Variants in UNC5C observed in about 807,000 individuals in gnomAD.
The protein encoded by UNC5C is unc-5 netrin receptor C, also known as netrin receptor UNC5C.
In UNC5C, 47 loss-of-function variants were observed where a neutral mutation model predicts 99.8. The observed-to-expected ratio is 0.47, with a 90% CI of 0.37 to 0.60. The LOEUF (loss-of-function observed/expected upper bound fraction) is 0.60, where lower values mean the gene tolerates loss of function less well. UNC5C is among the 20% of genes least tolerant of loss of function. The probability of loss-of-function intolerance (pLI) is 0.00; values close to 1 mark genes in which losing one functional copy is unlikely to be tolerated. For missense variants in UNC5C, 1,062 were observed against 1,165.9 expected (o/e 0.91, Z 1.30); for synonymous variants, 487 against 452.2 (o/e 1.08, Z -0.98).
At chr4:95,425,376 C>G (rs1044273969) in intron 1 of UNC5C, among the ~76,000 whole-genome samples, 2 of 152,256 alleles carry the variant, frequency 1.3e-5, no homozygotes, top group Non-Finnish European at 2.9e-5. Context: ...GGCTGGAGTG[C>G]AGTGGCGCGA....
At chr4:95,254,644 T>G (rs745909284) in intron 4 of UNC5C, among the ~76,000 whole-genome samples, 1 of 152,170 alleles carries the variant, frequency 6.6e-6, no homozygotes, top group East Asian at 1.9e-4. Context: ...AAAATATGCA[T>G]CCTAGTAAGA....
At position 95,165,867 on chromosome 4, in the gene UNC5C, G is replaced by C. The variant is rs1177485370; in HGVS notation, c.*3367C>G. ...GACTGTTTTATATAGATTTTACATA[G>C]TTCTGTTACAAGAAGCAACTGAAGA... is the stretch of plus-strand genomic sequence containing the variant. On this transcript the variant is annotated 3_prime_UTR_variant, in exon 16 of 16. Transcript: ENST00000453304. 1 of 152,110 alleles carries C rather than the reference G, an allele frequency of 6.6e-6. No individual in the cohort carries two copies. The highest frequency in any genetic ancestry group is 1.5e-5 in the Non-Finnish European group (1 of 68,026). The allele number at this position is 152,110 out of a possible 1,614,324, so 9.4% of individuals were successfully genotyped here.
At chr4:95,187,520 T>C (rs1056620810) in intron 12 of UNC5C, among the ~76,000 whole-genome samples, 1 of 152,174 alleles carries the variant, frequency 6.6e-6, no homozygotes, top group Admixed American at 6.5e-5. Flanking sequence ...AGGCAGGACA[T>C]TGAAAAAAAC....
chr4:95,469,732 A>G (rs1747908294), intron 1 of UNC5C, among the ~76,000 whole-genome samples: 2 of 152,124 alleles, frequency 1.3e-5, no homozygotes. Context: ...CACTTTCAGC[A>G]TTACTAGTGG....
intron 12 of UNC5C, among the ~76,000 whole-genome samples, chr4:95,197,705 C>T (rs763893878): frequency 8.5e-5 from 13 of 152,048 alleles, no homozygotes; most frequent in African/African-American, 2.4e-4. Context: ...AAAAGGATTA[C>T]GGAGAAGCAG....
At position 95,301,740 on chromosome 4, in the gene UNC5C, A is replaced by G. The variant is rs781704992; in HGVS notation, c.356T>C (p.Val119Ala). The G allele has an allele frequency of 1.2e-6, 2 of 1,612,778 alleles. No homozygotes were observed. Among genetic ancestry groups the G allele is most frequent in the Admixed American group, 3.3e-5 (2 of 60,022 alleles). Residue 119 changes from valine (V) to alanine (A), a missense_variant, in exon 3 of 16, where the codon GTC becomes GCC. Transcript: ENST00000453304. Reference protein sequence around the residue: ...ERVDETSGLIVREVSIEISRQ... With the variant: ...ERVDETSGLIAREVSIEISRQ... Reference sequence around the variant, plus strand: ...CGAAATCTCAATGCTCACTTCCCGGACAATGAGACCTGACAAGAGAAAAAG... The same window carrying G: ...CGAAATCTCAATGCTCACTTCCCGGGCAATGAGACCTGACAAGAGAAAAAG...
intron 3 of UNC5C, among the ~76,000 whole-genome samples, chr4:95,298,272 A>G (rs1471199308): frequency 6.6e-6 from 1 of 152,174 alleles, no homozygotes; most frequent in Non-Finnish European, 1.5e-5. Flanking sequence ...TGTTTGCGCC[A>G]CTGCACTCCA....
intron 4 of UNC5C, among the ~76,000 whole-genome samples, chr4:95,252,529 C>A (rs953704256): frequency 1.8e-4 from 27 of 152,178 alleles, no homozygotes; most frequent in African/African-American, 6.5e-4. Flanking sequence ...AGAAATATGA[C>A]TTCTGTCTCA....
intron 1 of UNC5C, among the ~76,000 whole-genome samples, chr4:95,383,947 G>T (rs1398719818): frequency 2.6e-5 from 4 of 152,008 alleles, no homozygotes; most frequent in Non-Finnish European, 5.9e-5. Flanking sequence ...ACTCAAACTT[G>T]TCTCTTTGGT....
intron 1 of UNC5C, among the ~76,000 whole-genome samples, chr4:95,419,541 T>C (rs1014133789): frequency 6.6e-6 from 1 of 152,228 alleles, no homozygotes; most frequent in Non-Finnish European, 1.5e-5. Flanking sequence ...GCTATGGCTC[T>C]CAGCAGTCAA....
intron 1 of UNC5C, among the ~76,000 whole-genome samples, chr4:95,440,019 C>T (rs1403196560): frequency 6.6e-6 from 1 of 152,180 alleles, no homozygotes; most frequent in African/African-American, 2.4e-5. Context: ...GGAGACATTT[C>T]TCTCCTGCAT....
At chr4:95,331,598 T>A (rs1579331235) in intron 2 of UNC5C, among the ~76,000 whole-genome samples, 1 of 152,134 alleles carries the variant, frequency 6.6e-6, no homozygotes, top group South Asian at 2.1e-4. Flanking sequence ...GAGAAAGTAC[T>A]GAATTTCCTA....
chr4:95,292,046 C>T (rs1418992233), intron 3 of UNC5C, among the ~76,000 whole-genome samples: 1 of 151,634 alleles, frequency 6.6e-6, no homozygotes, highest in Non-Finnish European at 1.5e-5. Flanking sequence ...TAAAGAAATG[C>T]ATTATTTTTG....
At chr4:95,314,038 T>A (rs1742377765) in intron 2 of UNC5C, among the ~76,000 whole-genome samples, 1 of 152,224 alleles carries the variant, frequency 6.6e-6, no homozygotes, top group Non-Finnish European at 1.5e-5. Context: ...ATCCATAAAA[T>A]GTCTTTAAAA....
Position 95,243,993 on chromosome 4 carries a change from C to T in UNC5C, c.943+984G>A, listed in dbSNP as rs181991370. ...CTCTCAAAGGGCTCACTGTGGGAGA[C>T]TGCTCTGACATTTGGAAATCAACAC... On this transcript the variant is annotated intron_variant, in intron 6 of 15. Coordinates refer to ENST00000453304, the MANE Select transcript of UNC5C (RefSeq NM_003728.4). Among the ~76,000 whole-genome samples, 12 of 152,310 alleles carry T rather than the reference C, an allele frequency of 7.9e-5. No homozygotes were observed. In the East Asian group the frequency reaches 2.3e-3, roughly 29 times the overall value.
At chr4:95,265,502 G>C (rs1030605023) in intron 4 of UNC5C, among the ~76,000 whole-genome samples, 6 of 152,128 alleles carry the variant, frequency 3.9e-5, no homozygotes, top group Non-Finnish European at 7.3e-5. Context: ...TTTATGAAGT[G>C]TGTATAAATA....
At chr4:95,306,295 C>T (rs373019787) in intron 2 of UNC5C, among the ~76,000 whole-genome samples, 22 of 152,108 alleles carry the variant, frequency 1.4e-4, no homozygotes, top group South Asian at 4.2e-4. Context: ...CTCTGCCTCC[C>T]GGGTTCACAC....
chr4:95,509,430 T>G (rs1722008130), intron 1 of UNC5C, among the ~76,000 whole-genome samples: 1 of 151,662 alleles, frequency 6.6e-6, no homozygotes, highest in Non-Finnish European at 1.5e-5. Flanking sequence ...AAATTCCACC[T>G]TTATTTCTAT....
intron 1 of UNC5C, among the ~76,000 whole-genome samples, chr4:95,444,332 C>CTT (rs11363815): frequency 0.014 from 1,933 of 136,196 alleles, 42 homozygotes; most frequent in African/African-American, 0.049. Context: ...AGTGCATTGC[C>CTT]TTTTTTTTTT....
Sources: gnomAD v4.1 joint callset for allele counts (sites outside exome capture counted in the v4.1 genomes callset) on GRCh38, gnomAD v4.1.1 for gene constraint, MANE v1.5 for transcripts, NCBI Gene and HGNC (gene_info 2026-07-23, HGNC 2026-07-21) for gene names.